ITFG1: variants seen among roughly 807,000 people sequenced by gnomAD.
ITFG1 encodes the protein T-cell immunomodulatory protein.
In ITFG1, 34 loss-of-function variants were observed where a neutral mutation model predicts 81.8. That is an observed-to-expected ratio of 0.42 (90% CI 0.32 to 0.55). The LOEUF (loss-of-function observed/expected upper bound fraction) is 0.55, where lower values mean the gene tolerates loss of function less well. Among genes scored for constraint, ITFG1 ranks in the 20% least tolerant of loss-of-function variants. The pLI, the probability that ITFG1 is intolerant of heterozygous loss-of-function variation, is 0.17. For synonymous variants in ITFG1, 285 were observed against 270.6 expected (o/e 1.05, Z -0.52); for missense variants, 672 against 755.4 (o/e 0.89, Z 1.29).
intron 10 of ITFG1, among the ~76,000 whole-genome samples, chr16:47,279,620 C>T (rs1966432438): frequency 1.3e-5 from 2 of 152,006 alleles, no homozygotes; most frequent in African/African-American, 4.8e-5. Context: ...TATTTTGGTT[C>T]CTTTGTCTTT....
chr16:47,214,583 AG>A (rs1342464686), intron 14 of ITFG1, among the ~76,000 whole-genome samples: 1 of 152,240 alleles, frequency 6.6e-6, no homozygotes, highest in Non-Finnish European at 1.5e-5. Flanking sequence ...TCAAAACCAG[AG>A]GAGTTTAAGC....
intron 12 of ITFG1, among the ~76,000 whole-genome samples, chr16:47,254,430 T>C (rs556273990): frequency 9.5e-4 from 144 of 152,214 alleles, no homozygotes; most frequent in Non-Finnish European, 1.7e-3. Flanking sequence ...GAATATCTTA[T>C]CAATGTTACA....
In ITFG1 at chr16:47,311,271, C is replaced by A. The variant is rs541799916; in HGVS notation, c.1039G>T (p.Ala347Ser). 6.2e-6 allele frequency: 10 copies of A among 1,611,852 alleles called. No individual in the cohort carries two copies. The highest frequency in any genetic ancestry group is 4.5e-5 in the East Asian group (2 of 44,794). The change falls in exon 10 of 18, where the codon GCT becomes TCT. Residue 347 changes from alanine to serine, a missense_variant. Around this residue, in one of 3 missense-constraint regions of ITFG1, gnomAD observed 560 missense variants for 625.7 expected, o/e 0.90. Coordinates refer to ENST00000320640, the MANE Select transcript of ITFG1 (RefSeq NM_030790.5). ...GATGTGTTCTTTAGTATGACCAGAG[C>A]GTCTGGATAGCCATCCATATTGTAG... is the stretch of plus-strand genomic sequence containing the variant. ...GDYNMDGYPDALVILKNTSGS... is the reference protein window; with the variant it reads ...GDYNMDGYPDSLVILKNTSGS...
chr16:47,192,985 G>T (rs1383953834), intron 14 of ITFG1, among the ~76,000 whole-genome samples: 2 of 152,120 alleles, frequency 1.3e-5, no homozygotes, highest in Non-Finnish European at 2.9e-5. Context: ...CTTCTACTCA[G>T]TAATCTGTGA....
chr16:47,231,826 A>G (rs556081431), intron 13 of ITFG1, among the ~76,000 whole-genome samples: 1 of 152,332 alleles, frequency 6.6e-6, no homozygotes, highest in African/African-American at 2.4e-5. Flanking sequence ...TCCATGTCCT[A>G]CTTTCCAGAG....
intron 5 of ITFG1, chr16:47,449,890 C>T (rs1211180888): frequency 6.6e-6 from 1 of 152,138 alleles, no homozygotes; most frequent in Non-Finnish European, 1.5e-5. Flanking sequence ...TTTATTAATA[C>T]TTTGTGAATT....
chr16:47,365,724 A>G, intron 8 of ITFG1, 64 bp downstream of exon 8: 2 of 958,112 alleles, frequency 2.1e-6, no homozygotes, highest in Non-Finnish European at 3.3e-6. Context: ...ATATAAATAG[A>G]ACAGAAAGAA....
At chr16:47,177,102 G>T (rs1485237692) in intron 14 of ITFG1, among the ~76,000 whole-genome samples, 1 of 151,962 alleles carries the variant, frequency 6.6e-6, no homozygotes, top group Non-Finnish European at 1.5e-5. Flanking sequence ...TGGGAGTATA[G>T]GCACATGACA....
intron 12 of ITFG1, among the ~76,000 whole-genome samples, chr16:47,255,976 T>A (rs997753153): frequency 1.5e-4 from 23 of 152,194 alleles, no homozygotes; most frequent in African/African-American, 5.1e-4. Flanking sequence ...TTATTTTATT[T>A]TTTTATTTTT....
chr16:47,157,354 TAAA>T (rs1043421404), intron 17 of ITFG1, among the ~76,000 whole-genome samples: 2 of 152,040 alleles, frequency 1.3e-5, no homozygotes, highest in African/African-American at 4.8e-5. Flanking sequence ...CCTGCTTAAG[TAAA>T]AAAGTGGTTA....
At chr16:47,353,607 T>C (rs1447489427) in intron 8 of ITFG1, among the ~76,000 whole-genome samples, 1 of 152,150 alleles carries the variant, frequency 6.6e-6, no homozygotes, top group Non-Finnish European at 1.5e-5. Flanking sequence ...GCAGTCAAAC[T>C]GTTCTTGTTT....
chr16:47,284,680 TG>T, intron 10 of ITFG1, among the ~76,000 whole-genome samples: 1 of 152,234 alleles, frequency 6.6e-6, no homozygotes, highest in Non-Finnish European at 1.5e-5. Context: ...TTGTTTTCTG[TG>T]CTCCTTAGAG....
chr16:47,202,454 T>C (rs1267244055), intron 14 of ITFG1: 1 of 152,158 alleles, frequency 6.6e-6, no homozygotes, highest in Admixed American at 6.5e-5. Context: ...TTCTCATAAT[T>C]TTAAAAATGT....
chr16:47,168,602 G>A (rs1964923103), intron 14 of ITFG1, among the ~76,000 whole-genome samples: 1 of 137,798 alleles, frequency 7.3e-6, no homozygotes, highest in Non-Finnish European at 1.5e-5. Context: ...TGCCCATGCT[G>A]GTCTCAAATT....
At chr16:47,334,331 G>C (rs1967675161) in intron 8 of ITFG1, among the ~76,000 whole-genome samples, 1 of 152,110 alleles carries the variant, frequency 6.6e-6, no homozygotes, top group South Asian at 2.1e-4. Context: ...AAGAGGCTGA[G>C]GTGAGAGGAT....
chr16:47,175,535 A>G (rs929067212), intron 14 of ITFG1, among the ~76,000 whole-genome samples: 10 of 152,128 alleles, frequency 6.6e-5, no homozygotes. Context: ...ATCATCATCC[A>G]AGATTTTGTC....
chr16:47,425,340 TAC>T (rs1199017242), intron 6 of ITFG1, among the ~76,000 whole-genome samples: 1 of 152,130 alleles, frequency 6.6e-6, no homozygotes, highest in Non-Finnish European at 1.5e-5. Flanking sequence ...TTTCTCCAGG[TAC>T]AGTCTGTCAC....
At chr16:47,365,951 T>G in intron 7 of ITFG1, 82 bp from the exon 8 acceptor site, 1 of 725,302 alleles carries the variant, frequency 1.4e-6, no homozygotes, top group East Asian at 2.5e-5. Context: ...CTAACTGAAC[T>G]GGGGAAATAA....
chr16:47,442,598 A>T (rs1401554022), intron 5 of ITFG1, among the ~76,000 whole-genome samples: 1 of 152,236 alleles, frequency 6.6e-6, no homozygotes, highest in African/African-American at 2.4e-5. Context: ...ATAATGTCGC[A>T]TATCTACAAC....
Sources: gnomAD v4.1 joint callset for allele counts (sites outside exome capture counted in the v4.1 genomes callset) on GRCh38, gnomAD v4.1.1 for gene constraint, gnomAD v4.1.1 regional missense constraint, MANE v1.5 for transcripts, NCBI Gene and HGNC (gene_info 2026-07-23, HGNC 2026-07-21) for gene names.